Variants in CEP250 observed in about 807,000 individuals in gnomAD.
The protein encoded by CEP250 is centrosome-associated protein CEP250.
Under a neutral mutation model 315.7 loss-of-function variants are expected in CEP250, and 242 were observed. The observed-to-expected ratio is 0.77, with a 90% CI of 0.69 to 0.85. CEP250 has a LOEUF of 0.85. CEP250 is among the 40% of genes least tolerant of loss of function. The probability of loss-of-function intolerance (pLI) is 0.00; values close to 1 mark genes in which losing one functional copy is unlikely to be tolerated. For missense variants in CEP250, 2,515 were observed against 2,886.4 expected, an observed-to-expected ratio of 0.87 and a Z score of 2.95; for synonymous variants, 1,088 against 1,175.0, an observed-to-expected ratio of 0.93 and a Z score of 1.51.
intron 11 of CEP250, 117 bp from the exon 12 acceptor site, chr20:35,472,556 C>G (rs1462555778): frequency 4.7e-6 from 5 of 1,057,336 alleles, no homozygotes; most frequent in South Asian, 1.5e-5. Flanking sequence ...CTCCTTCCCC[C>G]AGGGGAGAGG....
At chr20:35,486,000 T>TA (rs1216377975) in intron 20 of CEP250, among the ~76,000 whole-genome samples, 1 of 151,032 alleles carries the variant, frequency 6.6e-6, no homozygotes, top group Non-Finnish European at 1.5e-5. Context: ...AATTCTGAAT[T>TA]ACATTTGCAT....
intron 27 of CEP250, 130 bp from the exon 28 acceptor site, chr20:35,499,919 C>A: frequency 8.8e-7 from 1 of 1,133,570 alleles, no homozygotes; most frequent in Non-Finnish European, 1.3e-6. Flanking sequence ...AAGGAAGTAA[C>A]CCGGCAATCT....
At chr20:35,497,631 A>G in intron 25 of CEP250, 88 bp from the exon 26 acceptor site, 2 of 906,828 alleles carry the variant, frequency 2.2e-6, no homozygotes, top group Non-Finnish European at 3.3e-6. Context: ...CAGAGTTTGT[A>G]CAAGGATTGA....
chr20:35,473,360 C>T lies in CEP250; in HGVS notation c.1210-14C>T, dbSNP rs762633725. On this transcript the variant is annotated splice_polypyrimidine_tract_variant and intron_variant, in intron 12 of 34. Coordinates refer to ENST00000397527, the MANE Select transcript of CEP250 (RefSeq NM_007186.6). Reference sequence around the variant, plus strand: ...CTTGTTCATCATCTGGTTTCTCTTGCTCTCTCTCCACAGGACCTAAGGCAG... The same window carrying T: ...CTTGTTCATCATCTGGTTTCTCTTGTTCTCTCTCCACAGGACCTAAGGCAG... The T allele has an allele frequency of 9.4e-5, 150 of 1,601,136 alleles. No individual in the cohort carries two copies. Among genetic ancestry groups the T allele is most frequent in the Non-Finnish European group, 1.3e-4 (149 of 1,173,094 alleles).
At chr20:35,475,113 A>T (rs553650472) in intron 14 of CEP250, among the ~76,000 whole-genome samples, 1 of 152,328 alleles carries the variant, frequency 6.6e-6, no homozygotes, top group East Asian at 1.9e-4. Flanking sequence ...GGAGGATCAC[A>T]TGAGCCCCCA....
At chr20:35,463,512 C>G (rs2062804736) in intron 4 of CEP250, 63 bp from the exon 5 acceptor site, 2 of 1,476,866 alleles carry the variant, frequency 1.4e-6, no homozygotes, top group Non-Finnish European at 1.8e-6. Context: ...CCTCAGGGGC[C>G]TTTGCTTTGG....
rs747465358 is a variant in CEP250, at chr20:35,504,780, A to G, written c.6411A>G (p.Gln2137=). The change falls in exon 30 of 35, where the codon CAA becomes CAG. Residue 2137 remains glutamine, a synonymous_variant. Transcript: ENST00000397527. ...ACAAAACCTCCCCAATGGAGGAACA[A>G]TCTCTAAAACTTGATTCTTTAGAGC... is the stretch of plus-strand genomic sequence containing the variant. The part of the protein sequence containing the change: ...HSHKTSPMEE[Q]SLKLDSLEPR... 1.9e-6 allele frequency: 3 copies of G among 1,614,174 alleles called. No individual in the cohort carries two copies. In the South Asian group the frequency reaches 3.3e-5, roughly 18 times the overall value.
chr20:35,488,545 CA>C (rs1404106301), intron 20 of CEP250, among the ~76,000 whole-genome samples: 2 of 152,058 alleles, frequency 1.3e-5, no homozygotes, highest in Non-Finnish European at 2.9e-5. Context: ...GCCTCACCCT[CA>C]AGGCCCTCCT....
rs752554274 is a variant in CEP250 at position 35,503,623 on chromosome 20, A to G, written c.5254A>G (p.Lys1752Glu). ...QEHIHELQELKDQLEQQLQGL... is the reference protein window; with the variant it reads ...QEHIHELQELEDQLEQQLQGL... The stretch of plus-strand genomic sequence containing the variant: ...GCATATCCATGAACTCCAGGAGCTC[A>G]AAGACCAGCTGGAGCAGCAGCTCCA... The change falls in exon 30 of 35, where the codon AAA (lysine) becomes GAA (glutamate). Residue 1752 changes from lysine (K) to glutamate (E), a missense_variant. Coordinates refer to ENST00000397527, the MANE Select transcript of CEP250 (RefSeq NM_007186.6). The surrounding 1 kb of genome is among the most constrained non-coding windows in gnomAD (Gnocchi z 4.2). The G allele has an allele frequency of 1.2e-6, 2 of 1,614,122 alleles. No homozygotes were observed. The highest frequency in any genetic ancestry group is 8.5e-7 in the Non-Finnish European group (1 of 1,179,992).
chr20:35,466,208 G>A lies in CEP250; in HGVS notation c.492+4G>A, dbSNP rs1191034447. 1.3e-6 allele frequency: 2 copies of A among 1,576,058 alleles called. No individual in the cohort carries two copies. Among genetic ancestry groups the A allele is most frequent in the African/African-American group, 2.7e-5 (2 of 73,756 alleles). ...CCAGTGGCAGATGGAGCAGGAGGTA[G>A]GAAGAACGGGGACTGGAACTGTGAG... On this transcript the variant is annotated splice_donor_region_variant and intron_variant, in intron 7 of 34. Coordinates refer to ENST00000397527, the MANE Select transcript of CEP250 (RefSeq NM_007186.6).
At chr20:35,465,941 C>T in intron 6 of CEP250, 98 bp from the exon 7 acceptor site, 5 of 1,544,372 alleles carry the variant, frequency 3.2e-6, no homozygotes, top group Non-Finnish European at 3.5e-6. Context: ...CTAATTCCTG[C>T]AATGGAAAAT....
chr20:35,506,673 G>A (rs2064193317), intron 30 of CEP250, among the ~76,000 whole-genome samples: 1 of 151,954 alleles, frequency 6.6e-6, no homozygotes, highest in Non-Finnish European at 1.5e-5. Context: ...GGAGAAGGAG[G>A]TCCATCTGTG....
At position 35,467,627 on chromosome 20, in the gene CEP250, C is replaced by T. The variant is rs1285265829; in HGVS notation, c.851+72C>T. The T allele has an allele frequency of 6.0e-6, 9 of 1,506,294 alleles. No individual in the cohort carries two copies. The Admixed American group carries it at 1.0e-4, about 17-fold the overall frequency. The allele number at this position is 1,506,294 out of a possible 1,614,324, so 93.3% of individuals were successfully genotyped here. On this transcript the variant is annotated intron_variant, in intron 9 of 34. Coordinates refer to ENST00000397527, the MANE Select transcript of CEP250 (RefSeq NM_007186.6). ...ACTCCTTTAGAGGGTTAGGGACAGG[C>T]AGGGGGAGGTGCCAGGAACATTCCT...
At chr20:35,465,943 A>G (rs1208633261) in intron 6 of CEP250, 96 bp from the exon 7 acceptor site, 2 of 1,549,116 alleles carry the variant, frequency 1.3e-6, no homozygotes, top group Non-Finnish European at 1.8e-6. Flanking sequence ...AATTCCTGCA[A>G]TGGAAAATTT....
chr20:35,510,222 G>T (rs2064315507), intron 34 of CEP250, among the ~76,000 whole-genome samples, 168 bp downstream of exon 34: 1 of 152,176 alleles, frequency 6.6e-6, no homozygotes, highest in African/African-American at 2.4e-5. Context: ...GGGTGGGAGT[G>T]GGGAAGAAAG....
Position 35,490,756 on chromosome 20 carries a change from G to A in CEP250, c.2706G>A (p.Gln902=), listed in dbSNP as rs2147035288. The A allele has an allele frequency of 1.2e-6, 2 of 1,613,820 alleles. No individual in the cohort carries two copies. The highest frequency in any genetic ancestry group is 1.3e-5 in the African/African-American group (1 of 75,040). The change falls in exon 21 of 35, where the codon CAG becomes CAA. Residue 902 remains glutamine, a synonymous_variant. Coordinates refer to ENST00000397527, the MANE Select transcript of CEP250 (RefSeq NM_007186.6). Reference sequence around the variant, plus strand: ...AGCAGACAGAAATGGAGGCCATCCAGGCCCAGAGGGAAGAAGAACGGACCC... The same window carrying A: ...AGCAGACAGAAATGGAGGCCATCCAAGCCCAGAGGGAAGAAGAACGGACCC... ...KEQQTEMEAI[Q]AQREEERTQA...
intron 23 of CEP250, among the ~76,000 whole-genome samples, chr20:35,494,199 C>T (rs967888061): frequency 6.6e-6 from 1 of 150,726 alleles, no homozygotes; most frequent in Non-Finnish European, 1.5e-5. Flanking sequence ...ATCTCGAACT[C>T]CTGGTCTCAA....
chr20:35,488,855 T>C (rs1039827121), intron 20 of CEP250, among the ~76,000 whole-genome samples: 3 of 152,020 alleles, frequency 2.0e-5, no homozygotes, highest in African/African-American at 7.2e-5. Flanking sequence ...GAGAAGGGCT[T>C]TCCAGGTAGA....
In CEP250 at chr20:35,504,862, A is replaced by T. The variant is rs780336077; in HGVS notation, c.6493A>T (p.Arg2165Trp). 6.2e-7 allele frequency: 1 copy of T among 1,614,116 alleles called. No individual in the cohort carries two copies. The highest frequency in any genetic ancestry group is 1.3e-5 in the African/African-American group (1 of 74,940). ...LQAALRQTEA[R>W]EIEWREKAQD... ...GGCAGCCCTGAGACAGACAGAAGCC[A>T]GGGAGATTGAGTGGAGGGAGAAGGC... Residue 2165 changes from arginine to tryptophan, a missense_variant, in exon 30 of 35, where the codon AGG becomes TGG. By Grantham distance (101) the Arg-to-Trp change is moderately radical. Transcript: ENST00000397527.
Sources: gnomAD v4.1 joint callset for allele counts (sites outside exome capture counted in the v4.1 genomes callset) on GRCh38, gnomAD v4.1.1 for gene constraint, Gnocchi (gnomAD v3.1) non-coding constraint, MANE v1.5 for transcripts, NCBI Gene and HGNC (gene_info 2026-07-23, HGNC 2026-07-21) for gene names.